The following PCGF6 variants were observed in gnomAD, a reference collection of about 807,000 sequenced individuals.
PCGF6 encodes the protein polycomb group RING finger protein 6.
PCGF6 carries 24 observed loss-of-function variants against 45.5 expected under a neutral mutation model. The observed-to-expected ratio is 0.53, with a 90% CI of 0.38 to 0.74. PCGF6 has a LOEUF of 0.74. Ranked by LOEUF, PCGF6 falls within the 30% of genes least tolerant of loss-of-function variation. The pLI is 0.00. For synonymous variants in PCGF6, 152 were observed against 162.1 expected (o/e 0.94, Z 0.47); for missense variants, 356 against 443.2 (o/e 0.80, Z 1.77).
intron 3 of PCGF6, among the ~76,000 whole-genome samples, chr10:103,347,823 TG>T (rs1564736230): frequency 6.6e-6 from 1 of 152,132 alleles, no homozygotes; most frequent in Non-Finnish European, 1.5e-5. Flanking sequence ...CCTTAATAGC[TG>T]GGACTAAAGG....
chr10:103,308,672 G>C (rs979901888), intron 9 of PCGF6, among the ~76,000 whole-genome samples: 1 of 151,996 alleles, frequency 6.6e-6, no homozygotes, highest in African/African-American at 2.4e-5. Flanking sequence ...AGGGGTTTGA[G>C]ACCAGCCGGG....
At chr10:103,337,690 G>A (rs2093262305) in intron 6 of PCGF6, among the ~76,000 whole-genome samples, 1 of 152,162 alleles carries the variant, frequency 6.6e-6, no homozygotes, top group African/African-American at 2.4e-5. Context: ...CACTTTGGGA[G>A]GTCGAGGTGG....
intron 6 of PCGF6, among the ~76,000 whole-genome samples, chr10:103,340,699 C>A (rs1326736480): frequency 6.6e-6 from 1 of 151,896 alleles, no homozygotes; most frequent in Non-Finnish European, 1.5e-5. Flanking sequence ...CGGGCTCAGT[C>A]GATCCTCCCC....
At chr10:103,336,765 C>A (rs1003645933) in intron 6 of PCGF6, among the ~76,000 whole-genome samples, 3 of 152,234 alleles carry the variant, frequency 2.0e-5, no homozygotes, top group Admixed American at 2.0e-4. Flanking sequence ...ATCCTAGCTA[C>A]TCGAGAGGCT....
At chr10:103,336,979 C>T (rs1023620278) in intron 6 of PCGF6, among the ~76,000 whole-genome samples, 3 of 152,106 alleles carry the variant, frequency 2.0e-5, no homozygotes, top group African/African-American at 7.2e-5. Context: ...TGAATCAGAC[C>T]AATTTTTCTT....
intron 8 of PCGF6, among the ~76,000 whole-genome samples, chr10:103,320,383 A>G (rs1338530962): frequency 1.3e-5 from 2 of 152,110 alleles, no homozygotes; most frequent in Non-Finnish European, 2.9e-5. Flanking sequence ...ATGAACTTAA[A>G]TCTTTCTTAA....
intron 6 of PCGF6, among the ~76,000 whole-genome samples, chr10:103,340,201 AT>A (rs1564733548): frequency 0.02 from 1,782 of 90,982 alleles, 20 homozygotes; most frequent in East Asian, 0.06. Context: ...AAAAAAAAAT[AT>A]ATATATATAT....
At chr10:103,306,315 C>T in intron 9 of PCGF6, among the ~76,000 whole-genome samples, 1 of 152,108 alleles carries the variant, frequency 6.6e-6, no homozygotes, top group Admixed American at 6.6e-5. Context: ...TCAGGCTGGT[C>T]TTGAACTCGC....
chr10:103,348,771 T>C lies in PCGF6; in HGVS notation c.502A>G (p.Arg168Gly). ...ACTACTATATTGCATTTTGGACATC[T>C]GTTGCTGTAGTAAAAATGTCTTACG... ...CIVRHFYYSN[R>G]CPKCNIVVHQ... Residue 168 changes from arginine to glycine, a missense_variant, in exon 3 of 10, where the codon AGA (arginine) becomes GGA (glycine). Arg to Gly is a moderately radical substitution (Grantham distance 125). Around this residue, in one of 2 missense-constraint regions of PCGF6, gnomAD observed 307 missense variants for 350.1 expected, o/e 0.88. Transcript: ENST00000369847. 1 of 1,612,976 alleles carries C rather than the reference T, an allele frequency of 6.2e-7. No homozygotes were observed. Among genetic ancestry groups the C allele is most frequent in the South Asian group, 1.1e-5 (1 of 90,938 alleles).
intron 7 of PCGF6, among the ~76,000 whole-genome samples, chr10:103,333,328 C>CA (rs1375656060): frequency 6.6e-6 from 1 of 152,060 alleles, no homozygotes; most frequent in African/African-American, 2.4e-5. Flanking sequence ...AGACACTTGA[C>CA]AAAGTCACTG....
intron 9 of PCGF6, among the ~76,000 whole-genome samples, chr10:103,308,743 T>G (rs2093146284): frequency 6.6e-6 from 1 of 151,832 alleles, no homozygotes; most frequent in Admixed American, 6.6e-5. Context: ...TTTGGTGGTG[T>G]GCACCTGCAG....
intron 6 of PCGF6, among the ~76,000 whole-genome samples, chr10:103,343,242 T>G (rs1311790545): frequency 3.3e-5 from 5 of 151,620 alleles, no homozygotes; most frequent in African/African-American, 4.9e-5. Context: ...GGGTTCTTAA[T>G]AACAGTTGAG....
intron 3 of PCGF6, among the ~76,000 whole-genome samples, chr10:103,347,870 C>T (rs1275042187): frequency 6.6e-6 from 1 of 152,138 alleles, no homozygotes; most frequent in East Asian, 1.9e-4. Context: ...TGATTTTATT[C>T]CCTTCATAAG....
chr10:103,311,764 G>C (rs866240919), intron 9 of PCGF6, among the ~76,000 whole-genome samples: 1 of 151,984 alleles, frequency 6.6e-6, no homozygotes, highest in Non-Finnish European at 1.5e-5. Flanking sequence ...ACAGCCCTAA[G>C]AGGGAGCAGA....
intron 7 of PCGF6, among the ~76,000 whole-genome samples, chr10:103,331,401 G>A (rs1022622747): frequency 3.9e-5 from 6 of 151,976 alleles, no homozygotes; most frequent in African/African-American, 1.2e-4. Flanking sequence ...GGGATTATAG[G>A]TGCCCACCAC....
At chr10:103,349,833 A>C (rs930378928) in intron 1 of PCGF6, among the ~76,000 whole-genome samples, 7 of 150,244 alleles carry the variant, frequency 4.7e-5, no homozygotes, top group South Asian at 2.1e-4. Context: ...CTGTAATCCC[A>C]GCACTTTGGG....
At chr10:103,321,782 C>T (rs1428647927) in intron 8 of PCGF6, among the ~76,000 whole-genome samples, 1 of 151,978 alleles carries the variant, frequency 6.6e-6, no homozygotes, top group East Asian at 1.9e-4. Flanking sequence ...AGTGTTTTCA[C>T]CACAAAAAAT....
At position 103,323,531 on chromosome 10, in the gene PCGF6, G is replaced by A. The variant is rs146078372; in HGVS notation, c.909+3003C>T. ...ACTGGTCTTGAACTCCTGACCTCAG[G>A]TGATCCACCTGCCTTGGCCTCCCAA... On this transcript the variant is annotated intron_variant, in intron 8 of 9. Transcript: ENST00000369847. Among the ~76,000 whole-genome samples, 1,518 of 152,102 alleles carry A rather than the reference G, an allele frequency of 1.0e-2. 32 individuals carry two copies. The highest frequency in any genetic ancestry group is 0.035 in the African/African-American group (1,460 of 41,490).
Position 103,333,965 on chromosome 10 carries a change from A to G in PCGF6, c.783-13T>C. Reference sequence around the variant, plus strand: ...GCCTTCATTAGCACTGAAAAATGAGAGCAAAATTAATCAATATTTAATACT... The same window carrying G: ...GCCTTCATTAGCACTGAAAAATGAGGGCAAAATTAATCAATATTTAATACT... On this transcript the variant is annotated splice_polypyrimidine_tract_variant and intron_variant, in intron 6 of 9. Coordinates refer to ENST00000369847, the MANE Select transcript of PCGF6 (RefSeq NM_001011663.2). 1 of 1,518,734 alleles carries G rather than the reference A, an allele frequency of 6.6e-7. No homozygotes were observed. The highest frequency in any genetic ancestry group is 8.8e-7 in the Non-Finnish European group (1 of 1,132,438). The allele number at this position is 1,518,734 out of a possible 1,614,324, so 94.1% of individuals were successfully genotyped here.
Sources: gnomAD v4.1 joint callset for allele counts (sites outside exome capture counted in the v4.1 genomes callset) on GRCh38, gnomAD v4.1.1 for gene constraint, gnomAD v4.1.1 regional missense constraint, MANE v1.5 for transcripts, NCBI Gene and HGNC (gene_info 2026-07-23, HGNC 2026-07-21) for gene names.